Variants in POMT2 observed in about 807,000 individuals in gnomAD.
POMT2 encodes the protein protein O-mannosyl-transferase 2.
In POMT2, 75 loss-of-function variants were observed where a neutral mutation model predicts 100.0. That is an observed-to-expected ratio of 0.75 (90% CI 0.62 to 0.91). The LOEUF is 0.91. Ranked by LOEUF, POMT2 falls within the 40% of genes least tolerant of loss-of-function variation. POMT2 has a pLI of 0.00. For synonymous variants in POMT2, 378 were observed against 374.1 expected (o/e 1.01, Z -0.12); for missense variants, 940 against 955.1 (o/e 0.98, Z 0.21).
chr14:77,279,556 A>G (rs1257709343), intron 18 of POMT2: 4 of 602,788 alleles, frequency 6.6e-6, no homozygotes, highest in South Asian at 6.1e-5. Flanking sequence ...GTCCTGGGGC[A>G]AGTTTCTTAA....
chr14:77,277,590 G>T, intron 20 of POMT2, 109 bp from the exon 21 acceptor site: 1 of 899,808 alleles, frequency 1.1e-6, no homozygotes, highest in Non-Finnish European at 1.8e-6. Flanking sequence ...CCATCGCCAA[G>T]CCCGGTTCTC....
chr14:77,277,118 T>C lies in POMT2; in HGVS notation c.*258A>G. 1 of 520,658 alleles carries C rather than the reference T, an allele frequency of 1.9e-6. No individual in the cohort carries two copies. Among genetic ancestry groups the C allele is most frequent in the East Asian group, 3.4e-5 (1 of 29,640 alleles). 32.3% of individuals were successfully genotyped at this position (520,658 alleles called of 1,614,324 possible). Reference sequence around the variant, plus strand: ...CACTCCCACCCTCTGGCACCCATCCTCCCCTGCGCTGTGCACGAGGGAGCA... The same window carrying C: ...CACTCCCACCCTCTGGCACCCATCCCCCCCTGCGCTGTGCACGAGGGAGCA... On this transcript the variant is annotated 3_prime_UTR_variant, in exon 21 of 21. Transcript: ENST00000261534.
At chr14:77,315,855 T>C (rs1891603974) in intron 1 of POMT2, among the ~76,000 whole-genome samples, 1 of 151,936 alleles carries the variant, frequency 6.6e-6, no homozygotes, top group South Asian at 2.1e-4. Flanking sequence ...CTACTAAAAA[T>C]ACAAAAAGGT....
chr14:77,287,035 A>T, intron 11 of POMT2: 8 of 972,470 alleles, frequency 8.2e-6, no homozygotes, highest in Non-Finnish European at 1.2e-5. Flanking sequence ...GGAGAGACAG[A>T]TGGTAGGAGC....
intron 1 of POMT2, among the ~76,000 whole-genome samples, chr14:77,316,519 T>C (rs550830684): frequency 1.4e-5 from 2 of 147,302 alleles, no homozygotes; most frequent in Admixed American, 6.9e-5. Flanking sequence ...TGAGCTATGA[T>C]TGTACCACTC....
chr14:77,304,384 C>T (rs766682634), intron 4 of POMT2, among the ~76,000 whole-genome samples: 1 of 152,226 alleles, frequency 6.6e-6, no homozygotes, highest in Non-Finnish European at 1.5e-5. Context: ...TTCAAAAACA[C>T]ACATACTCAC....
chr14:77,298,358 C>T (rs1338200365), intron 8 of POMT2, among the ~76,000 whole-genome samples: 1 of 152,214 alleles, frequency 6.6e-6, no homozygotes, highest in African/African-American at 2.4e-5. Flanking sequence ...ACGAATGCAA[C>T]ACTCAGAAAG....
chr14:77,317,294 C>T (rs142408487), intron 1 of POMT2, among the ~76,000 whole-genome samples: 20 of 152,368 alleles, frequency 1.3e-4, no homozygotes, highest in African/African-American at 4.8e-4. Flanking sequence ...TACCTTGCTA[C>T]TGCTGATACT....
At chr14:77,305,762 A>G (rs1194178555) in intron 3 of POMT2, among the ~76,000 whole-genome samples, 1 of 152,224 alleles carries the variant, frequency 6.6e-6, no homozygotes. Flanking sequence ...GCCATGTTCC[A>G]TCAAGGCTGG....
Position 77,288,804 on chromosome 14 carries a change from T to G in POMT2, c.1211A>C (p.Glu404Ala). Residue 404 changes from glutamate (E) to alanine (A), a missense_variant, in exon 11 of 21, where the codon GAG becomes GCG. Glu to Ala is a moderately radical substitution (Grantham distance 107, BLOSUM62 -1). Transcript: ENST00000261534. ...SDPLDPSFPV[E>A]FVRHGDIIRL... ...AATAATGTCTCCATGTCTTACAAAC[T>G]CCACTGGGAAGGAAGGGTCTAGGGG... The G allele has an allele frequency of 6.2e-7, 1 of 1,613,794 alleles. No homozygotes were observed. Among genetic ancestry groups the G allele is most frequent in the East Asian group, 2.2e-5 (1 of 44,832 alleles).
At chr14:77,289,189 G>A (rs1169952556) in intron 10 of POMT2, among the ~76,000 whole-genome samples, 4 of 151,844 alleles carry the variant, frequency 2.6e-5, no homozygotes, top group Admixed American at 6.6e-5. Context: ...CCAGGAATTC[G>A]AGACAAGCCT....
At chr14:77,279,314 G>A (rs562542427) in intron 18 of POMT2, 24 of 368,872 alleles carry the variant, frequency 6.5e-5, no homozygotes, top group Non-Finnish European at 1.0e-4. Flanking sequence ...CTGTGTGACT[G>A]TCTCAGGTGC....
intron 3 of POMT2, among the ~76,000 whole-genome samples, chr14:77,305,069 G>A (rs542668889): frequency 1.3e-5 from 2 of 152,104 alleles, no homozygotes; most frequent in Non-Finnish European, 2.9e-5. Context: ...TAGGAGACAG[G>A]GAGAAAAGCA....
Position 77,306,331 on chromosome 14 carries a change from C to A in POMT2, c.438+6G>T, listed in dbSNP as rs772550365. On this transcript the variant is annotated splice_donor_region_variant and intron_variant, in intron 3 of 20. Transcript: ENST00000261534. ...AGTCAGTCCATTTCAAGTCAGGAAG[C>A]CTTACTCCTCTCATTCCCATGTAGC... 1.2e-6 allele frequency: 2 copies of A among 1,611,812 alleles called. No individual in the cohort carries two copies. Among genetic ancestry groups the A allele is most frequent in the South Asian group, 2.2e-5 (2 of 91,054 alleles).
At chr14:77,279,067 G>C in intron 18 of POMT2, 198 bp from the exon 19 acceptor site, 1 of 730,474 alleles carries the variant, frequency 1.4e-6, no homozygotes, top group African/African-American at 1.7e-5. Flanking sequence ...AGCCTAGTGA[G>C]GCCTGGGCAC....
chr14:77,312,248 CA>C (rs1891463171), intron 1 of POMT2: 1 of 639,402 alleles, frequency 1.6e-6, no homozygotes, highest in Non-Finnish European at 2.5e-6. Context: ...GAAAGGCGAG[CA>C]AATATTCACT....
rs948100126 is a variant in POMT2 at position 77,277,037 on chromosome 14, G to A, written c.*339C>T. On this transcript the variant is annotated 3_prime_UTR_variant, in exon 21 of 21. Coordinates refer to ENST00000261534, the MANE Select transcript of POMT2 (RefSeq NM_013382.7). The stretch of plus-strand genomic sequence containing the variant: ...ATGACACTCAGCTGTCCAGTTACAC[G>A]GTCTGTATTCCACAGGGATATGGAC... The A allele has an allele frequency of 1.9e-5, 6 of 322,544 alleles. No individual in the cohort carries two copies. Among genetic ancestry groups the A allele is most frequent in the South Asian group, 8.3e-5 (2 of 24,194 alleles). The allele number at this position is 322,544 out of a possible 1,614,324, so 20.0% of individuals were successfully genotyped here. A position where few individuals can be genotyped will look rare whatever the true frequency, so the allele number is the denominator to read the frequency against.
intron 5 of POMT2, 98 bp downstream of exon 5, chr14:77,302,737 G>T: frequency 1.1e-6 from 1 of 939,614 alleles, no homozygotes; most frequent in South Asian, 1.4e-5. Flanking sequence ...TCAGCTTCAA[G>T]ACAAGTCTCT....
At chr14:77,304,872 C>A in intron 3 of POMT2, 72 bp from the exon 4 acceptor site, 1 of 1,542,758 alleles carries the variant, frequency 6.5e-7, no homozygotes, top group East Asian at 2.5e-5. Flanking sequence ...CTCAGTACAA[C>A]CTAACATTTA....
Sources: gnomAD v4.1 joint callset for allele counts (sites outside exome capture counted in the v4.1 genomes callset) on GRCh38, gnomAD v4.1.1 for gene constraint, MANE v1.5 for transcripts, NCBI Gene and HGNC (gene_info 2026-07-23, HGNC 2026-07-21) for gene names.